MUSK: variants seen among roughly 807,000 people sequenced by gnomAD.
The protein encoded by MUSK is muscle associated receptor tyrosine kinase.
MUSK carries 55 observed loss-of-function variants against 88.7 expected under a neutral mutation model. The observed-to-expected ratio is 0.62, with a 90% CI of 0.50 to 0.78. MUSK has a LOEUF of 0.78. Ranked by LOEUF, MUSK falls within the 30% of genes least tolerant of loss-of-function variation. The pLI is 0.00. For missense variants in MUSK, 1,015 were observed against 1,074.3 expected (o/e 0.94, Z 0.77); for synonymous variants, 387 against 391.9 (o/e 0.99, Z 0.15).
At chr9:110,765,330 G>C (rs975835168) in intron 8 of MUSK, among the ~76,000 whole-genome samples, 1 of 152,046 alleles carries the variant, frequency 6.6e-6, no homozygotes. Flanking sequence ...GAGATATTAC[G>C]TCAACATGTG....
intron 1 of MUSK, among the ~76,000 whole-genome samples, chr9:110,670,317 G>T (rs1016151982): frequency 6.6e-6 from 1 of 152,138 alleles, no homozygotes; most frequent in Admixed American, 6.6e-5. Flanking sequence ...ACGGATGTCC[G>T]GTAAGGCCCC....
At chr9:110,768,442 G>A (rs2077518759) in intron 9 of MUSK, among the ~76,000 whole-genome samples, 2 of 152,172 alleles carry the variant, frequency 1.3e-5, no homozygotes, top group African/African-American at 4.8e-5. Flanking sequence ...GTTGCAGTGA[G>A]CCGAGATTGC....
At chr9:110,685,475 G>A (rs2076184574) in intron 2 of MUSK, among the ~76,000 whole-genome samples, 1 of 152,074 alleles carries the variant, frequency 6.6e-6, no homozygotes, top group African/African-American at 2.4e-5. Flanking sequence ...ACTATAACCA[G>A]AAAAAAGAAA....
At position 110,747,633 on chromosome 9, in the gene MUSK, T is replaced by G. The variant is rs2077189699; in HGVS notation, c.754-8T>G. ...ACTGAGTTCTTTTATTTTCCTTTAC[T>G]CTGTCAGGTTTCTTCTGGGTCCATT... is the stretch of plus-strand genomic sequence containing the variant. On this transcript the variant is annotated splice_polypyrimidine_tract_variant and splice_region_variant and intron_variant, in intron 6 of 14. Coordinates refer to ENST00000374448, the MANE Select transcript of MUSK (RefSeq NM_005592.4). The G allele has an allele frequency of 2.7e-5, 44 of 1,607,332 alleles. No homozygotes were observed. The highest frequency in any genetic ancestry group is 3.7e-5 in the Non-Finnish European group (43 of 1,174,762).
chr9:110,755,553 C>G (rs188797618), intron 7 of MUSK, among the ~76,000 whole-genome samples: 71 of 152,176 alleles, frequency 4.7e-4, no homozygotes, highest in Non-Finnish European at 8.4e-4. Flanking sequence ...AACTTTCAGG[C>G]AGATTCCATA....
intron 10 of MUSK, 144 bp from the exon 11 acceptor site, chr9:110,776,488 T>C: frequency 1.5e-6 from 1 of 676,160 alleles, no homozygotes; most frequent in South Asian, 2.1e-5. Context: ...CCCAATTCTT[T>C]CACATTCGAA....
At chr9:110,763,065 A>G (rs1480925819) in intron 8 of MUSK, among the ~76,000 whole-genome samples, 1 of 152,212 alleles carries the variant, frequency 6.6e-6, no homozygotes, top group Non-Finnish European at 1.5e-5. Context: ...GTTTTAAAAC[A>G]TCATGTGGTA....
rs765760347 is a variant in MUSK at position 110,687,212 on chromosome 9, C to A, written c.302C>A (p.Ala101Asp). Residue 101 changes from alanine to aspartate, a missense_variant, in exon 3 of 15, where the codon GCC becomes GAC. Physicochemically the swap from Ala to Asp is moderately radical, Grantham distance 126. Transcript: ENST00000374448. The part of the protein sequence containing the change: ...DSDDGIYCCT[A>D]NNGVGGAVES... The stretch of plus-strand genomic sequence containing the variant: ...GATGATGGCATTTACTGCTGCACGG[C>A]CAACAATGGTGTGGGAGGAGCTGTG... 6.2e-7 allele frequency: 1 copy of A among 1,613,840 alleles called. No individual in the cohort carries two copies. The highest frequency in any genetic ancestry group is 8.5e-7 in the Non-Finnish European group (1 of 1,179,826).
intron 7 of MUSK, chr9:110,761,878 T>A: frequency 1.0e-6 from 1 of 985,072 alleles, no homozygotes. Context: ...CCGGCCCACA[T>A]CTTGATTTCT....
intron 9 of MUSK, among the ~76,000 whole-genome samples, chr9:110,770,309 TAAC>T (rs573039343): frequency 0.013 from 1,777 of 134,088 alleles, 30 homozygotes; most frequent in African/African-American, 0.051. Flanking sequence ...TATATTAACT[TAAC>T]AATAATTATC....
At chr9:110,737,884 T>C (rs1337791842) in intron 6 of MUSK, among the ~76,000 whole-genome samples, 2 of 152,164 alleles carry the variant, frequency 1.3e-5, no homozygotes, top group Non-Finnish European at 2.9e-5. Context: ...TCCACCATGA[T>C]TGTCAACTAT....
At chr9:110,754,964 G>T (rs1668905349) in intron 7 of MUSK, among the ~76,000 whole-genome samples, 1 of 152,110 alleles carries the variant, frequency 6.6e-6, no homozygotes, top group South Asian at 2.1e-4. Flanking sequence ...GACATCATTG[G>T]CATCACCTCT....
At chr9:110,713,262 CTTTTTT>C (rs67227503) in intron 5 of MUSK, among the ~76,000 whole-genome samples, 10 of 137,636 alleles carry the variant, frequency 7.3e-5, no homozygotes, top group African/African-American at 2.7e-4. Flanking sequence ...ACCTTTTTTT[CTTTTTT>C]TTTTTTTTTG....
chr9:110,740,805 G>A (rs1040685268), intron 6 of MUSK, among the ~76,000 whole-genome samples: 4 of 152,162 alleles, frequency 2.6e-5, no homozygotes, highest in Non-Finnish European at 5.9e-5. Flanking sequence ...GACTGGGAGT[G>A]AAGTTTCCCG....
At position 110,727,361 on chromosome 9, in the gene MUSK, C is replaced by G. The variant is rs907515907; in HGVS notation, c.629-6890C>G. On this transcript the variant is annotated intron_variant, in intron 5 of 14. Coordinates refer to ENST00000374448, the MANE Select transcript of MUSK (RefSeq NM_005592.4). Reference sequence around the variant, plus strand: ...ATCTCCAAGACTTAGATCCTTTGTCCGGAAAATGGGCTAATTTTGGCGGGG... The same window carrying G: ...ATCTCCAAGACTTAGATCCTTTGTCGGGAAAATGGGCTAATTTTGGCGGGG... The G allele has an allele frequency of 2.6e-5, 4 of 152,132 alleles. No individual in the cohort carries two copies. In the East Asian group the frequency reaches 7.8e-4, roughly 30 times the overall value. 9.4% of individuals were successfully genotyped at this position (152,132 alleles called of 1,614,324 possible).
At position 110,703,128 on chromosome 9, in the gene MUSK, G is replaced by A. The variant is rs191218581; in HGVS notation, c.628+5662G>A. Among the ~76,000 whole-genome samples, 10 of 152,278 alleles carry A rather than the reference G, an allele frequency of 6.6e-5. No homozygotes were observed. In the East Asian group the frequency reaches 1.9e-3, roughly 29 times the overall value. ...ACAGAAAACAACCTACCTTGAGTGAGTGTTGTCCAACATAATATACAAAGA... is the reference window on the plus strand; with the variant it reads ...ACAGAAAACAACCTACCTTGAGTGAATGTTGTCCAACATAATATACAAAGA... On this transcript the variant is annotated intron_variant, in intron 5 of 14. Coordinates refer to ENST00000374448, the MANE Select transcript of MUSK (RefSeq NM_005592.4).
intron 1 of MUSK, 145 bp from the exon 2 acceptor site, chr9:110,682,529 C>T: frequency 2.8e-6 from 2 of 709,174 alleles, no homozygotes; most frequent in South Asian, 4.8e-5. Flanking sequence ...ACATTCTTTA[C>T]ATAAGCTCTT....
chr9:110,675,143 T>C (rs1172110844), intron 1 of MUSK, among the ~76,000 whole-genome samples: 1 of 151,456 alleles, frequency 6.6e-6, no homozygotes, highest in Non-Finnish European at 1.5e-5. Flanking sequence ...AGGTTAAGTG[T>C]GGTTAAGTGA....
rs1243473268 is a variant in MUSK at position 110,701,688 on chromosome 9, TAC to T, written c.628+4223_628+4224del. Among the ~76,000 whole-genome samples the T allele has an allele frequency of 5.1e-3, 45 of 8,822 alleles. 20 individuals are homozygous for T. Among genetic ancestry groups the T allele is most frequent in the South Asian group, 0.02 (7 of 344 alleles). The allele number at this position is 8,822 out of a possible 152,430, so 5.8% of individuals were successfully genotyped here. A position where few individuals can be genotyped will look rare whatever the true frequency, so the allele number is the denominator to read the frequency against. On this transcript the variant is annotated intron_variant, in intron 5 of 14. Coordinates refer to ENST00000374448, the MANE Select transcript of MUSK (RefSeq NM_005592.4). The stretch of plus-strand genomic sequence containing the variant: ...TTATTTTATTTTATTTTTTTTACTT[TAC>T]TTTATTTTATTTTATTTTATTTTAT...
Sources: gnomAD v4.1 joint callset for allele counts (sites outside exome capture counted in the v4.1 genomes callset) on GRCh38, gnomAD v4.1.1 for gene constraint, MANE v1.5 for transcripts, NCBI Gene and HGNC (gene_info 2026-07-23, HGNC 2026-07-21) for gene names.